The following PDZD2 variants were observed in gnomAD, a reference collection of about 807,000 sequenced individuals.
PDZD2 encodes the protein PDZ domain containing 2, also known as PDZ domain-containing protein 2.
In PDZD2, 90 loss-of-function variants were observed where a neutral mutation model predicts 220.7. The observed-to-expected ratio is 0.41, with a 90% confidence interval of 0.34 to 0.49. The LOEUF (loss-of-function observed/expected upper bound fraction) is 0.49. Among genes scored for constraint, PDZD2 ranks in the 20% least tolerant of loss-of-function variants. The pLI, the probability that PDZD2 is intolerant of heterozygous loss-of-function variation, is 0.28. For synonymous variants in PDZD2, 1,375 were observed against 1,450.5 expected (o/e 0.95, Z 1.18); for missense variants, 3,174 against 3,608.5 (o/e 0.88, Z 3.08).
At chr5:32,003,321 A>C (rs1752476406) in intron 5 of PDZD2, among the ~76,000 whole-genome samples, 2 of 40,218 alleles carry the variant, frequency 5.0e-5, no homozygotes, top group Non-Finnish European at 5.2e-5. Context: ...CACACCCCAC[A>C]CACACACCCC....
intron 2 of PDZD2, chr5:31,854,882 T>C: frequency 1.4e-6 from 1 of 718,796 alleles, no homozygotes; most frequent in African/African-American, 1.9e-5. Flanking sequence ...TACAGGCTTT[T>C]CCTAACCTCC....
At chr5:31,873,442 AAG>A (rs1739005130) in intron 2 of PDZD2, among the ~76,000 whole-genome samples, 2 of 116,450 alleles carry the variant, frequency 1.7e-5, no homozygotes, top group African/African-American at 7.1e-5. Flanking sequence ...GTCTCACCAA[AAG>A]AAAAAAAAAA....
rs879288343 is a variant in PDZD2 at position 31,975,793 on chromosome 5, C to CTTTTTTTTTTTTTTTTTTT, written c.477-7353_477-7352insTTTTTTTTTTTTTTTTTTT. ...ATGAGCACACTGAAGGTATCAGTCA[C>CTTTTTTTTTTTTTTTTTTT]TTTTTTTTTATTTATTTTTTTTTTT... On this transcript the variant is annotated intron_variant, in intron 2 of 24. Coordinates refer to ENST00000438447, the MANE Select transcript of PDZD2 (RefSeq NM_178140.4). 7.2e-5 allele frequency among the ~76,000 whole-genome samples: 4 copies of CTTTTTTTTTTTTTTTTTTT among 55,182 alleles called. 2 individuals carry two copies. Among genetic ancestry groups the CTTTTTTTTTTTTTTTTTTT allele is most frequent in the Non-Finnish European group, 1.2e-4 (4 of 32,318 alleles). 36.2% of individuals were successfully genotyped at this position (55,182 alleles called of 152,430 possible).
At chr5:32,017,431 C>T (rs547180317) in intron 6 of PDZD2, among the ~76,000 whole-genome samples, 7 of 145,426 alleles carry the variant, frequency 4.8e-5, no homozygotes, top group African/African-American at 1.6e-4. Flanking sequence ...CAGAGCCAGA[C>T]CCTGTCTCAA....
intron 2 of PDZD2, among the ~76,000 whole-genome samples, chr5:31,928,914 T>C (rs1745019492): frequency 6.6e-6 from 1 of 152,024 alleles, no homozygotes; most frequent in Admixed American, 6.6e-5. Context: ...TAAGAGGGAA[T>C]ATTAAGGATC....
At chr5:31,718,759 A>G (rs199748283) in intron 1 of PDZD2, among the ~76,000 whole-genome samples, 2 of 132,578 alleles carry the variant, frequency 1.5e-5, no homozygotes, top group Non-Finnish European at 3.0e-5. Flanking sequence ...GGAGTGCAGT[A>G]GCACGATCTC....
chr5:31,754,748 TACTC>T (rs1165251012), intron 1 of PDZD2: 4 of 152,184 alleles, frequency 2.6e-5, no homozygotes, highest in African/African-American at 7.2e-5. Context: ...TTAGATCAGA[TACTC>T]ACTCACTTCT....
Position 32,010,500 on chromosome 5 carries a change from C to T in PDZD2, c.1407+18C>T, listed in dbSNP as rs751774293. 5 of 1,589,306 alleles carry T rather than the reference C, an allele frequency of 3.1e-6. No homozygotes were observed. Among genetic ancestry groups the T allele is most frequent in the Middle Eastern group, 1.7e-4 (1 of 6,000 alleles). Reference sequence around the variant, plus strand: ...AGAGAGCAGTAAGTGGCTCTGTGCTCCTGGCTTTCTGTTGGAATTACTTTT... The same window carrying T: ...AGAGAGCAGTAAGTGGCTCTGTGCTTCTGGCTTTCTGTTGGAATTACTTTT... On this transcript the variant is annotated intron_variant, in intron 6 of 24. Transcript: ENST00000438447.
intron 2 of PDZD2, among the ~76,000 whole-genome samples, chr5:31,905,600 A>G (rs1281127719): frequency 6.6e-6 from 1 of 152,256 alleles, no homozygotes; most frequent in East Asian, 1.9e-4. Flanking sequence ...GCTTCATGCT[A>G]GCTCTGTGTA....
rs995219210 is a variant in PDZD2, at chr5:32,110,032, CTTGA to C, written c.*1903_*1906del. The C allele has an allele frequency of 5.8e-5, 5 of 85,890 alleles. No homozygotes were observed. Among genetic ancestry groups the C allele is most frequent in the Middle Eastern group, 4.3e-3 (1 of 230 alleles). The allele number at this position is 85,890 out of a possible 1,614,324, so 5.3% of individuals were successfully genotyped here. On this transcript the variant is annotated 3_prime_UTR_variant, in exon 25 of 25. Coordinates refer to ENST00000438447, the MANE Select transcript of PDZD2 (RefSeq NM_178140.4). The stretch of plus-strand genomic sequence containing the variant: ...GTAGGAAGTCAGTGCAAGGTGCATG[CTTGA>C]TTGATAGATATTGATTGATTGTTTT...
chr5:31,836,157 A>C (rs1342757398), intron 2 of PDZD2, among the ~76,000 whole-genome samples: 2 of 152,120 alleles, frequency 1.3e-5, no homozygotes, highest in Non-Finnish European at 2.9e-5. Context: ...TTATTAAAAA[A>C]CAGCACAGTA....
intron 1 of PDZD2, among the ~76,000 whole-genome samples, chr5:31,775,889 G>C (rs894460667): frequency 6.6e-6 from 1 of 151,980 alleles, no homozygotes; most frequent in East Asian, 1.9e-4. Context: ...TGGCTCTCCC[G>C]GGCCCTGTGG....
At chr5:31,849,995 C>CGT (rs1561507572) in intron 2 of PDZD2, among the ~76,000 whole-genome samples, 925 of 15,480 alleles carry the variant, frequency 0.06, 319 homozygotes, top group African/African-American at 0.32. Context: ...TATATATACA[C>CGT]ATATATATAT....
At chr5:31,956,613 G>T (rs1747722499) in intron 2 of PDZD2, among the ~76,000 whole-genome samples, 1 of 147,526 alleles carries the variant, frequency 6.8e-6, no homozygotes, top group African/African-American at 2.5e-5. Flanking sequence ...ACAAAAATTA[G>T]CCGGGTGTGG....
intron 6 of PDZD2, among the ~76,000 whole-genome samples, chr5:32,026,876 CTGT>C (rs1754708376): frequency 6.6e-6 from 1 of 152,122 alleles, no homozygotes; most frequent in Non-Finnish European, 1.5e-5. Flanking sequence ...TCCACATCCC[CTGT>C]TGTTTCCTTT....
intron 5 of PDZD2, among the ~76,000 whole-genome samples, chr5:32,005,068 G>C (rs895256626): frequency 2.6e-5 from 4 of 152,166 alleles, no homozygotes; most frequent in African/African-American, 9.7e-5. Flanking sequence ...ATCCACATAG[G>C]AGAAAAAAGA....
At chr5:31,654,824 A>G (rs1745485911) in intron 1 of PDZD2, among the ~76,000 whole-genome samples, 1 of 152,160 alleles carries the variant, frequency 6.6e-6, no homozygotes, top group African/African-American at 2.4e-5. Flanking sequence ...TAACATGGAA[A>G]TCATATCCTG....
intron 24 of PDZD2, among the ~76,000 whole-genome samples, chr5:32,107,744 T>C (rs541381107): frequency 1.3e-5 from 2 of 152,326 alleles, no homozygotes; most frequent in African/African-American, 4.8e-5. Context: ...TATTTTTATC[T>C]TACAGATTAT....
At chr5:31,780,182 T>G (rs1752975809) in intron 1 of PDZD2, among the ~76,000 whole-genome samples, 2 of 151,812 alleles carry the variant, frequency 1.3e-5, no homozygotes, top group African/African-American at 4.8e-5. Flanking sequence ...CCTTGGAGCC[T>G]GGGGACGAGC....
Sources: allele counts gnomAD v4.1 joint callset (sites outside exome capture counted in the v4.1 genomes callset), GRCh38; gene constraint gnomAD v4.1.1; transcripts MANE v1.5; gene names NCBI Gene and HGNC (gene_info 2026-07-23, HGNC 2026-07-21).